The following BIRC6 variants were observed in gnomAD, a reference collection of about 807,000 sequenced individuals.
BIRC6 encodes the protein dual E2 ubiquitin-conjugating enzyme/E3 ubiquitin-protein ligase BIRC6.
A neutral mutation model predicts 503.3 loss-of-function variants in BIRC6; 98 were observed. The ratio of observed to expected loss-of-function variants is 0.19; its 90% CI spans 0.17 to 0.23. The LOEUF is 0.23. BIRC6 is among the 10% of genes least tolerant of loss of function. The pLI, the probability that BIRC6 is intolerant of heterozygous loss-of-function variation, is 1.00. For missense variants in BIRC6, 5,360 were observed against 5,806.0 expected (o/e 0.92, Z 2.50); for synonymous variants, 2,240 against 2,078.7 (o/e 1.08, Z -2.11).
At chr2:32,585,084 A>G (rs2060937937) in intron 66 of BIRC6, among the ~76,000 whole-genome samples, 1 of 152,094 alleles carries the variant, frequency 6.6e-6, no homozygotes, top group African/African-American at 2.4e-5. Context: ...GCCTATAAAG[A>G]GTGGGAGGAA....
rs1006064397 is a variant in BIRC6, at chr2:32,495,182, A to C, written c.8468+1515A>C. ...GTGAAGATTTTCATACTAAACTTTT[A>C]ATATATTTGCTCTAACATTTTCTAA... On this transcript the variant is annotated intron_variant, in intron 45 of 73. Coordinates refer to ENST00000421745, the MANE Select transcript of BIRC6 (RefSeq NM_016252.4). 5.9e-5 allele frequency among the ~76,000 whole-genome samples: 9 copies of C among 152,188 alleles called. No homozygotes were observed. The East Asian group carries it at 1.7e-3, about 29-fold the overall frequency.
intron 61 of BIRC6, among the ~76,000 whole-genome samples, chr2:32,537,122 A>T (rs1208748189): frequency 2.6e-5 from 4 of 152,130 alleles, no homozygotes; most frequent in African/African-American, 9.7e-5. Flanking sequence ...GTATCCTGAG[A>T]CTGCTGAAGT....
At chr2:32,538,718 C>T (rs1233444284) in intron 61 of BIRC6, among the ~76,000 whole-genome samples, 1 of 152,160 alleles carries the variant, frequency 6.6e-6, no homozygotes, top group Non-Finnish European at 1.5e-5. Context: ...ATCACCTGAG[C>T]TCAGGAGTTC....
In BIRC6 at chr2:32,469,390, A is replaced by G; in HGVS notation, c.6128-5A>G. On this transcript the variant is annotated splice_region_variant and splice_polypyrimidine_tract_variant and intron_variant, in intron 29 of 73. Transcript: ENST00000421745. ...GAAAGTTTACTGTTTTCTTTCTTGT[A>G]ATAGGACACTCTGTTCCTGCAGTTT... 1 of 1,607,630 alleles carries G rather than the reference A, an allele frequency of 6.2e-7. No homozygotes were observed. The highest frequency in any genetic ancestry group is 1.7e-5 in the Admixed American group (1 of 59,004).
chr2:32,388,771 C>T lies in BIRC6; in HGVS notation c.667C>T (p.Leu223Phe). ...TCAGTGGGCCACAGTTACATTTCAT[C>T]TTCCTCATCATGTGTTGAAGTCCAT... is the stretch of plus-strand genomic sequence containing the variant. ...VAKWATVTFH[L>F]PHHVLKSIAS... Residue 223 changes from leucine (L) to phenylalanine (F), a missense_variant, in exon 4 of 74, where the codon CTT becomes TTT. Coordinates refer to ENST00000421745, the MANE Select transcript of BIRC6 (RefSeq NM_016252.4). The T allele has an allele frequency of 6.2e-7, 1 of 1,603,192 alleles. No individual in the cohort carries two copies. Among genetic ancestry groups the T allele is most frequent in the East Asian group, 2.2e-5 (1 of 44,464 alleles).
chr2:32,419,944 T>G (rs1471891653), intron 10 of BIRC6, among the ~76,000 whole-genome samples: 6 of 152,234 alleles, frequency 3.9e-5, no homozygotes, highest in Non-Finnish European at 8.8e-5. Flanking sequence ...CAAATACTTG[T>G]TTACATCCAT....
intron 10 of BIRC6, among the ~76,000 whole-genome samples, chr2:32,422,516 T>G (rs1302461483): frequency 6.6e-6 from 1 of 152,142 alleles, no homozygotes; most frequent in Non-Finnish European, 1.5e-5. Context: ...AGTATGGATA[T>G]CTTGCATCTA....
chr2:32,387,288 T>A (rs1474935363), intron 3 of BIRC6, among the ~76,000 whole-genome samples: 1 of 151,348 alleles, frequency 6.6e-6, no homozygotes, highest in African/African-American at 2.4e-5. Flanking sequence ...GTCTAGAAGT[T>A]TTCATTCTCC....
chr2:32,487,296 T>A (rs917482874), intron 40 of BIRC6, among the ~76,000 whole-genome samples: 2 of 152,210 alleles, frequency 1.3e-5, no homozygotes, highest in Admixed American at 1.3e-4. Flanking sequence ...TAGATTATTC[T>A]AAAACTACCT....
chr2:32,543,062 A>G (rs2057795604), intron 61 of BIRC6, among the ~76,000 whole-genome samples, 179 bp from the exon 62 acceptor site: 1 of 152,154 alleles, frequency 6.6e-6, no homozygotes, highest in Non-Finnish European at 1.5e-5. Flanking sequence ...AGCCTCCCAA[A>G]GTGCTGGGAT....
chr2:32,465,892 A>G (rs2048490439), intron 26 of BIRC6, among the ~76,000 whole-genome samples: 1 of 147,188 alleles, frequency 6.8e-6, no homozygotes, highest in Admixed American at 6.8e-5. Flanking sequence ...GAAAGCTAAA[A>G]TAAAAGTCTT....
chr2:32,552,436 C>T (rs895191211), intron 65 of BIRC6, among the ~76,000 whole-genome samples: 5 of 152,122 alleles, frequency 3.3e-5, no homozygotes, highest in African/African-American at 7.2e-5. Flanking sequence ...TAAGGATCAA[C>T]AATAATTGCA....
chr2:32,417,623 G>A (rs1250256918), intron 10 of BIRC6, among the ~76,000 whole-genome samples: 7 of 152,180 alleles, frequency 4.6e-5, no homozygotes. Context: ...TAGGATCTGA[G>A]CAGAGTTACG....
chr2:32,475,661 T>C lies in BIRC6; in HGVS notation c.6721-552T>C, dbSNP rs1198551099. The stretch of plus-strand genomic sequence containing the variant: ...TACCTTGTGATATTATCCTATAGTT[T>C]TTGCAAAATATCATTAGAGAAAATT... On this transcript the variant is annotated intron_variant, in intron 33 of 73. Transcript: ENST00000421745. 2.0e-5 allele frequency among the ~76,000 whole-genome samples: 3 copies of C among 152,184 alleles called. No homozygotes were observed. In the East Asian group the frequency reaches 5.8e-4, roughly 29 times the overall value.
At position 32,485,661 on chromosome 2, in the gene BIRC6, A is replaced by T; in HGVS notation, c.7715A>T (p.Glu2572Val). The T allele has an allele frequency of 6.2e-7, 1 of 1,613,074 alleles. No homozygotes were observed. The highest frequency in any genetic ancestry group is 8.5e-7 in the Non-Finnish European group (1 of 1,179,278). Residue 2572 changes from glutamate (E) to valine (V), a missense_variant, in exon 40 of 74, where the codon GAA (glutamate) becomes GTA (valine). By Grantham distance (121) the Glu-to-Val change is moderately radical (BLOSUM62 -2). Coordinates refer to ENST00000421745, the MANE Select transcript of BIRC6 (RefSeq NM_016252.4). ...SVSQALDARL[E>V]VGLEQQAELM... ...TTTGTAGCCCTGGATGCTCGCCTAG[A>T]AGTTGGACTTGAACAGCAAGCAGAA... is the stretch of plus-strand genomic sequence containing the variant.
chr2:32,465,832 GTAT>G (rs2048485337), intron 26 of BIRC6, among the ~76,000 whole-genome samples: 1 of 152,194 alleles, frequency 6.6e-6, no homozygotes, highest in Non-Finnish European at 1.5e-5. Flanking sequence ...GAATTAAATA[GTAT>G]TTGCGTTCTT....
chr2:32,418,791 TA>T (rs985008707), intron 10 of BIRC6, among the ~76,000 whole-genome samples: 3 of 152,134 alleles, frequency 2.0e-5, no homozygotes, highest in African/African-American at 7.2e-5. Context: ...AGCATTTAAA[TA>T]AAAGTATTGG....
chr2:32,518,456 A>G (rs1411132206), intron 56 of BIRC6, 59 bp downstream of exon 56: 17 of 1,525,892 alleles, frequency 1.1e-5, no homozygotes, highest in Non-Finnish European at 1.4e-5. Context: ...ATTTTGTATC[A>G]GAGCCTGCAG....
At chr2:32,442,247 T>C in intron 18 of BIRC6, 21 bp downstream of exon 18, 1 of 1,601,540 alleles carries the variant, frequency 6.2e-7, no homozygotes, top group Non-Finnish European at 8.5e-7. Context: ...AAAATTTTGC[T>C]TACCACTGTT....
Sources: gnomAD v4.1 joint callset for allele counts (sites outside exome capture counted in the v4.1 genomes callset) on GRCh38, gnomAD v4.1.1 for gene constraint, MANE v1.5 for transcripts, NCBI Gene and HGNC (gene_info 2026-07-23, HGNC 2026-07-21) for gene names.